Variants in ETS1 observed in about 807,000 individuals in gnomAD.
ETS1 encodes the protein ETS proto-oncogene 1, transcription factor, also known as protein C-ets-1.
ETS1 carries 15 observed loss-of-function variants against 58.6 expected under a neutral mutation model. The ratio of observed to expected loss-of-function variants is 0.26; its 90% CI spans 0.17 to 0.39. ETS1 has a LOEUF of 0.39. Among genes scored for constraint, ETS1 ranks in the 10% least tolerant of loss-of-function variants. The pLI, the probability that ETS1 is intolerant of heterozygous loss-of-function variation, is 1.00. For missense variants in ETS1, 417 were observed against 610.5 expected (o/e 0.68, Z 3.34); for synonymous variants, 214 against 218.2 (o/e 0.98, Z 0.17).
chr11:128,577,304 A>G (rs1864770821), intron 1 of ETS1, among the ~76,000 whole-genome samples: 1 of 152,232 alleles, frequency 6.6e-6, no homozygotes, highest in Non-Finnish European at 1.5e-5. Flanking sequence ...TTTCTAAGGG[A>G]AAACCGTTTC....
chr11:128,521,936 T>C, intron 3 of ETS1: 1 of 1,606,864 alleles, frequency 6.2e-7, no homozygotes, highest in Non-Finnish European at 8.5e-7. Context: ...AAGCTCCAGA[T>C]CGACTTTTTC....
At chr11:128,489,154 G>T in intron 5 of ETS1, 136 bp downstream of exon 5, 1 of 741,532 alleles carries the variant, frequency 1.3e-6, no homozygotes, top group Non-Finnish European at 2.4e-6. Context: ...CAGTGTACTA[G>T]GCACATTCCC....
Position 128,480,339 on chromosome 11 carries a change from G to A in ETS1, c.975C>T (p.Pro325=). Reference sequence around the variant, plus strand: ...CCTCTGAGTCGAAGCTGTCATAGGAGGGAACACGCTGCAGGCTGTTGAAAG... The same window carrying A: ...CCTCTGAGTCGAAGCTGTCATAGGAAGGAACACGCTGCAGGCTGTTGAAAG... ...QSSFNSLQRV[P]SYDSFDSEDY... is the part of the protein sequence containing the mutation. Residue 325 remains proline, a synonymous_variant, in exon 8 of 10, where the codon CCC becomes CCT. Coordinates refer to ENST00000392668, the MANE Select transcript of ETS1 (RefSeq NM_001143820.2). The A allele has an allele frequency of 6.2e-7, 1 of 1,614,144 alleles. No homozygotes were observed. Among genetic ancestry groups the A allele is most frequent in the Non-Finnish European group, 8.5e-7 (1 of 1,180,022 alleles).
At chr11:128,496,366 T>C (rs1302075365) in intron 3 of ETS1, among the ~76,000 whole-genome samples, 1 of 152,026 alleles carries the variant, frequency 6.6e-6, no homozygotes, top group African/African-American at 2.4e-5. Context: ...TTCCTCTTAA[T>C]GGTCAACATC....
chr11:128,558,074 T>A (rs1864342281), intron 2 of ETS1, among the ~76,000 whole-genome samples: 1 of 152,236 alleles, frequency 6.6e-6, no homozygotes. Context: ...CCTGGTGTTC[T>A]ATAATATTCA....
intron 1 of ETS1, among the ~76,000 whole-genome samples, chr11:128,582,498 A>G (rs1864894585): frequency 1.3e-5 from 2 of 152,220 alleles, no homozygotes; most frequent in South Asian, 4.1e-4. Flanking sequence ...TAGTAACACT[A>G]CTGTTTTATA....
rs1565374960 is a variant in ETS1, at chr11:128,484,975, G to A, written c.710C>T (p.Ser237Leu). The part of the protein sequence containing the change: ...ESYQTLHPIS[S>L]EELLSLKYEN... Reference sequence around the variant, plus strand: ...ATACTTGAGGGAGAGGAGCTCTTCCGAGCTGATGGGATGGAGCGTCTGATA... The same window carrying A: ...ATACTTGAGGGAGAGGAGCTCTTCCAAGCTGATGGGATGGAGCGTCTGATA... The change falls in exon 7 of 10, where the codon TCG becomes TTG. Residue 237 changes from serine (S) to leucine (L), a missense_variant. Around this residue, in one of 4 missense-constraint regions of ETS1, gnomAD observed 132 missense variants for 212.1 expected, o/e 0.62. Transcript: ENST00000392668. 1.2e-6 allele frequency: 2 copies of A among 1,614,040 alleles called. No individual in the cohort carries two copies. The highest frequency in any genetic ancestry group is 1.7e-6 in the Non-Finnish European group (2 of 1,179,948).
chr11:128,571,764 T>A (rs1280731526), intron 2 of ETS1: 4 of 152,070 alleles, frequency 2.6e-5, no homozygotes, highest in Non-Finnish European at 5.9e-5. Context: ...TATTTGCGAC[T>A]GGGCTCAGTG....
Position 128,571,482 on chromosome 11 carries a change from C to A in ETS1, c.69+1580G>T, listed in dbSNP as rs557462080. Among the ~76,000 whole-genome samples the A allele has an allele frequency of 3.2e-3, 332 of 105,126 alleles. 2 individuals carry two copies. Among genetic ancestry groups the A allele is most frequent in the Middle Eastern group, 9.1e-3 (1 of 110 alleles). 69.0% of individuals were successfully genotyped at this position (105,126 alleles called of 152,430 possible). The stretch of plus-strand genomic sequence containing the variant: ...AGAGCGAGACTCCGTCCAGCCTGGG[C>A]GACAGAGCAAGACTCCGTCAAAAAA... On this transcript the variant is annotated intron_variant, in intron 2 of 9. Coordinates refer to ENST00000392668, the MANE Select transcript of ETS1 (RefSeq NM_001143820.2).
At chr11:128,550,519 G>A (rs911857339) in intron 3 of ETS1, among the ~76,000 whole-genome samples, 24 of 152,310 alleles carry the variant, frequency 1.6e-4, no homozygotes, top group Non-Finnish European at 2.8e-4. Context: ...GACTGCTTGG[G>A]CTAGGCTGGC....
chr11:128,555,820 G>A (rs1864302773), intron 3 of ETS1, among the ~76,000 whole-genome samples: 1 of 152,194 alleles, frequency 6.6e-6, no homozygotes, highest in East Asian at 1.9e-4. Context: ...GCAAGTGGAA[G>A]GAGAGAAGGG....
At chr11:128,518,491 T>C (rs1863581457) in intron 3 of ETS1, among the ~76,000 whole-genome samples, 1 of 152,228 alleles carries the variant, frequency 6.6e-6, no homozygotes, top group Non-Finnish European at 1.5e-5. Flanking sequence ...TCCTATGAAG[T>C]AGAATGATTG....
intron 8 of ETS1, among the ~76,000 whole-genome samples, chr11:128,468,209 T>TA (rs34506138): frequency 6.6e-6 from 1 of 152,216 alleles, no homozygotes; most frequent in Non-Finnish European, 1.5e-5. Context: ...TCTCACTTTT[T>TA]AAAAAAAGTA....
chr11:128,586,956 T>C (rs1316415305), intron 1 of ETS1, among the ~76,000 whole-genome samples: 2 of 152,080 alleles, frequency 1.3e-5, no homozygotes, highest in African/African-American at 4.8e-5. Context: ...TTTGGACAAC[T>C]GCAGGTCAGT....
chr11:128,538,755 T>TACACACACACAC (rs141065992), intron 3 of ETS1, among the ~76,000 whole-genome samples: 2 of 144,864 alleles, frequency 1.4e-5, no homozygotes, highest in Non-Finnish European at 3.1e-5. Context: ...CATACACACA[T>TACACACACACAC]ACACACACAC....
chr11:128,584,997 AG>A (rs1864955347), intron 1 of ETS1, among the ~76,000 whole-genome samples: 1 of 56,626 alleles, frequency 1.8e-5, no homozygotes, highest in African/African-American at 8.9e-5. Flanking sequence ...AAAGGAAGGA[AG>A]GAAGGAAAGA....
intron 8 of ETS1, among the ~76,000 whole-genome samples, chr11:128,466,049 C>T (rs938684912): frequency 2.6e-5 from 4 of 152,180 alleles, no homozygotes; most frequent in Admixed American, 2.0e-4. Flanking sequence ...GATAAGGGGA[C>T]CTGACTTGAA....
At chr11:128,525,197 T>C (rs1257182837) in intron 3 of ETS1, among the ~76,000 whole-genome samples, 4 of 151,164 alleles carry the variant, frequency 2.6e-5, no homozygotes, top group Admixed American at 1.3e-4. Flanking sequence ...GAACGTGAAG[T>C]CAATAAGGGC....
At chr11:128,468,457 T>G (rs1862097911) in intron 8 of ETS1, among the ~76,000 whole-genome samples, 1 of 152,208 alleles carries the variant, frequency 6.6e-6, no homozygotes, top group African/African-American at 2.4e-5. Context: ...AGTATCATTC[T>G]TCTCATTTTC....
Sources: allele counts gnomAD v4.1 joint callset (sites outside exome capture counted in the v4.1 genomes callset), GRCh38; gene constraint gnomAD v4.1.1; regional missense constraint gnomAD v4.1.1; transcripts MANE v1.5; gene names NCBI Gene and HGNC (gene_info 2026-07-23, HGNC 2026-07-21).